Variants in CPNE7 observed in about 807,000 individuals in gnomAD.
CPNE7 encodes copine 7.
A neutral mutation model predicts 66.5 loss-of-function variants in CPNE7; 78 were observed. That is an observed-to-expected ratio of 1.17 (90% CI 0.98 to 1.42). The LOEUF (loss-of-function observed/expected upper bound fraction) is 1.42, where lower values mean the gene tolerates loss of function less well. CPNE7 is among the 40% of genes most tolerant of loss of function. The pLI, the probability that CPNE7 is intolerant of heterozygous loss-of-function variation, is 0.00. For synonymous variants in CPNE7, 468 were observed against 336.7 expected (o/e 1.39, Z -4.27); for missense variants, 1,012 against 776.6 (o/e 1.30, Z -3.60).
At position 89,594,518 on chromosome 16, in the gene CPNE7, G is replaced by A. The variant is rs547187513; in HGVS notation, c.1303-849G>A. On this transcript the variant is annotated intron_variant, in intron 13 of 14. Transcript: ENST00000319518. ...CCAGGGGAGGCTGCTGTGGGCTCCC[G>A]CTCTGCTGCTCAGGCGAGCCCTGCT... Among the ~76,000 whole-genome samples the A allele has an allele frequency of 1.4e-4, 22 of 152,094 alleles. No homozygotes were observed. The South Asian group carries it at 3.7e-3, about 26-fold the overall frequency.
chr16:89,579,079 A>G (rs886181582), intron 2 of CPNE7: 7 of 1,009,872 alleles, frequency 6.9e-6, no homozygotes, highest in Non-Finnish European at 9.8e-6. Flanking sequence ...TCACGAGGTC[A>G]GGAGTTCGAG....
In CPNE7 at chr16:89,580,963, T is replaced by C. The variant is rs1433487363; in HGVS notation, c.358-2734T>C. Among the ~76,000 whole-genome samples the C allele has an allele frequency of 4.3e-3, 390 of 90,970 alleles. 5 individuals are homozygous for C. The highest frequency in any genetic ancestry group is 0.016 in the African/African-American group (349 of 22,340). 59.7% of individuals were successfully genotyped at this position (90,970 alleles called of 152,430 possible). ...CGGAACATCCCGTCACCCGCTGACA[T>C]GGAACATCTCACCCATCACACGGAA... On this transcript the variant is annotated intron_variant, in intron 2 of 14. Transcript: ENST00000319518.
intron 12 of CPNE7, 23 bp downstream of exon 12, chr16:89,591,081 G>T (rs1043827645): frequency 6.8e-6 from 11 of 1,613,432 alleles, no homozygotes; most frequent in Admixed American, 3.3e-5. Context: ...GGCAGGCCTG[G>T]GGAGGGGAGT....
chr16:89,588,915 G>C (rs1429394335), intron 10 of CPNE7, 107 bp downstream of exon 10: 4 of 1,426,626 alleles, frequency 2.8e-6, no homozygotes, highest in Non-Finnish European at 2.9e-6. Flanking sequence ...AGCTATGACA[G>C]GTGCACCCGG....
At chr16:89,576,558 C>T (rs932247402) in intron 1 of CPNE7, among the ~76,000 whole-genome samples, 3 of 152,170 alleles carry the variant, frequency 2.0e-5, no homozygotes, top group Admixed American at 6.5e-5. Context: ...CAAGCGAACC[C>T]GCTGTGATCG....
rs781714858 is a variant in CPNE7 at position 89,578,860 on chromosome 16, G to A, written c.357+1139G>A. 3 of 1,610,886 alleles carry A rather than the reference G, an allele frequency of 1.9e-6. No homozygotes were observed. Among genetic ancestry groups the A allele is most frequent in the Non-Finnish European group, 2.5e-6 (3 of 1,178,348 alleles). On this transcript the variant is annotated intron_variant, in intron 2 of 14. Transcript: ENST00000319518. ...CTCTGGGTTACGGCCTCCACAGCCA[G>A]CCCAAAAGTGGCTTCTGCAAGTCGT...
Position 89,576,025 on chromosome 16 carries a change from ACCC to A in CPNE7, c.130_132del (p.Pro44del). ...GACCGCGACCCGCTCACCAAGTCCG[ACCC>A]CAGCGTGGCGTTGCTGCAGCAGGCG... is the stretch of plus-strand genomic sequence containing the variant. On this transcript the variant is annotated inframe_deletion, in exon 1 of 15. Coordinates refer to ENST00000319518, the MANE Select transcript of CPNE7 (RefSeq NM_153636.3). 7.4e-7 allele frequency: 1 copy of A among 1,346,908 alleles called. No homozygotes were observed. The highest frequency in any genetic ancestry group is 9.5e-7 in the Non-Finnish European group (1 of 1,048,520). 83.4% of individuals were successfully genotyped at this position (1,346,908 alleles called of 1,614,324 possible).
chr16:89,588,577 C>T (rs899987225), intron 9 of CPNE7, 98 bp from the exon 10 acceptor site: 2 of 1,514,692 alleles, frequency 1.3e-6, no homozygotes, highest in African/African-American at 2.7e-5. Flanking sequence ...ACCCCTGACC[C>T]TGAGTCCTGG....
At chr16:89,590,637 C>T (rs1175831014) in intron 11 of CPNE7, among the ~76,000 whole-genome samples, 3 of 151,184 alleles carry the variant, frequency 2.0e-5, no homozygotes, top group African/African-American at 4.9e-5. Flanking sequence ...CCAGGGAGGT[C>T]TGCCTCCCTC....
rs2059007457 is a variant in CPNE7, at chr16:89,584,639, C to A, written c.508-135C>A. 1.5e-6 allele frequency: 1 copy of A among 683,700 alleles called. No homozygotes were observed. The highest frequency in any genetic ancestry group is 2.2e-5 in the Admixed American group (1 of 45,918). The allele number at this position is 683,700 out of a possible 1,614,324, so 42.4% of individuals were successfully genotyped here. A position where few individuals can be genotyped will look rare whatever the true frequency, so the allele number is the denominator to read the frequency against. ...AGGGACGAGATGCTGTCGGCGGGGA[C>A]TGGCTGCCTCGTTTTGTGCCTGAGG... On this transcript the variant is annotated intron_variant, in intron 4 of 14. Transcript: ENST00000319518. The surrounding 1 kb of genome is among the most constrained non-coding windows in gnomAD (Gnocchi z 6.0).
Position 89,585,759 on chromosome 16 carries a change from A to T in CPNE7, c.754A>T (p.Met252Leu), listed in dbSNP as rs758371645. The T allele has an allele frequency of 9.3e-6, 13 of 1,395,874 alleles. No individual in the cohort carries two copies. Among genetic ancestry groups the T allele is most frequent in the African/African-American group, 1.6e-5 (1 of 63,388 alleles). 86.5% of individuals were successfully genotyped at this position (1,395,874 alleles called of 1,614,324 possible). A position where few individuals can be genotyped will look rare whatever the true frequency, so the allele number is the denominator to read the frequency against. ...AGAATTCTCTACCACCTTCGAGGAG[A>T]TGCAGAAGGCCTTTGAGGAGGGGCA... ...IGEFSTTFEE[M>L]QKAFEEGQAQ... is the part of the protein sequence containing the mutation. The change falls in exon 7 of 15, where the codon ATG becomes TTG. Residue 252 changes from methionine (M) to leucine (L), a missense_variant. Coordinates refer to ENST00000319518, the MANE Select transcript of CPNE7 (RefSeq NM_153636.3).
chr16:89,590,119 C>A (rs1597715628), intron 11 of CPNE7, among the ~76,000 whole-genome samples, 168 bp downstream of exon 11: 1 of 152,182 alleles, frequency 6.6e-6, no homozygotes, highest in African/African-American at 2.4e-5. Context: ...GAGAGGCTGG[C>A]CTTTGGCCTC....
At chr16:89,596,171 A>C (rs1377254943) in intron 14 of CPNE7, among the ~76,000 whole-genome samples, 7 of 152,290 alleles carry the variant, frequency 4.6e-5, no homozygotes, top group Non-Finnish European at 5.9e-5. Context: ...GAAGCTCTGC[A>C]GTGAGTCACA....
intron 5 of CPNE7, 124 bp from the exon 6 acceptor site, chr16:89,585,339 TG>T: frequency 1.4e-6 from 1 of 700,552 alleles, no homozygotes; most frequent in Non-Finnish European, 2.5e-6. Context: ...CGGCGCTGTC[TG>T]GGGTGATGCA....
chr16:89,589,665 C>CGTGGA (rs1250858522), intron 10 of CPNE7, among the ~76,000 whole-genome samples: 23 of 152,286 alleles, frequency 1.5e-4, no homozygotes, highest in African/African-American at 5.5e-4. Flanking sequence ...TGTACACAAA[C>CGTGGA]GTGGAGTTGG....
chr16:89,576,976 C>T (rs1182513840), intron 1 of CPNE7, among the ~76,000 whole-genome samples: 4 of 152,338 alleles, frequency 2.6e-5, no homozygotes, highest in East Asian at 1.9e-4. Flanking sequence ...ACGGAGGCCT[C>T]GTGCCCGCAC....
At chr16:89,578,433 G>A (rs969293608) in intron 2 of CPNE7, among the ~76,000 whole-genome samples, 5 of 152,088 alleles carry the variant, frequency 3.3e-5, no homozygotes, top group African/African-American at 9.6e-5. Context: ...TCACTTCCAC[G>A]ACGTGCAGCA....
At chr16:89,579,019 G>A (rs762916347) in intron 2 of CPNE7, 24 of 1,566,236 alleles carry the variant, frequency 1.5e-5, no homozygotes, top group African/African-American at 5.4e-5. Context: ...GGCCGGGCAC[G>A]GTGGCTCACG....
chr16:89,583,969 C>T, intron 3 of CPNE7, 59 bp from the exon 4 acceptor site: 3 of 1,588,366 alleles, frequency 1.9e-6, no homozygotes, highest in Non-Finnish European at 2.6e-6. Flanking sequence ...CCTCTGGTCC[C>T]CCACGGTGGG....
Sources: gnomAD v4.1 joint callset for allele counts (sites outside exome capture counted in the v4.1 genomes callset) on GRCh38, gnomAD v4.1.1 for gene constraint, Gnocchi (gnomAD v3.1) non-coding constraint, MANE v1.5 for transcripts, NCBI Gene and HGNC (gene_info 2026-07-23, HGNC 2026-07-21) for gene names.